COL10A1: variants seen among roughly 807,000 people sequenced by gnomAD.
COL10A1 encodes the protein collagen type X alpha 1 chain, also known as collagen alpha-1(X) chain.
In COL10A1, 10 loss-of-function variants were observed where a neutral mutation model predicts 18.2. The ratio of observed to expected loss-of-function variants is 0.55; its 90% CI spans 0.34 to 0.93. The LOEUF (loss-of-function observed/expected upper bound fraction) is 0.93, where lower values mean the gene tolerates loss of function less well. COL10A1 is among the 40% of genes least tolerant of loss of function. The pLI is 0.02. For missense variants in COL10A1, 897 were observed against 853.5 expected (o/e 1.05, Z -0.64); for synonymous variants, 330 against 316.6 (o/e 1.04, Z -0.45).
intron 1 of COL10A1, among the ~76,000 whole-genome samples, chr6:116,157,378 T>C (rs556670921): frequency 2.0e-5 from 3 of 152,314 alleles, no homozygotes; most frequent in African/African-American, 7.2e-5. Context: ...TTACAGTCTT[T>C]GGCCACTGCT....
chr6:116,131,077 C>G (rs1222436074), upstream of COL10A1, among the ~76,000 whole-genome samples: 1 of 152,038 alleles, frequency 6.6e-6, no homozygotes, highest in African/African-American at 2.4e-5. Context: ...TTTATACTTT[C>G]ATAAAGTACA....
intron 1 of COL10A1, among the ~76,000 whole-genome samples, chr6:116,141,885 AACACACACACACACACACACACACAC>A (rs3051942): frequency 7.1e-6 from 1 of 140,330 alleles, no homozygotes. Flanking sequence ...CCAAAAAGAA[AACACACACACACACACACACACACAC>A]ACACACACAC....
intron 1 of COL10A1, among the ~76,000 whole-genome samples, chr6:116,145,029 G>A (rs942529051): frequency 8.5e-5 from 13 of 152,102 alleles, no homozygotes; most frequent in African/African-American, 2.9e-4. Context: ...GATTTGATTC[G>A]TACATCAGAT....
chr6:116,188,702 TCTA>T, the COL10A1 span, among the ~76,000 whole-genome samples: 32 of 120,858 alleles, frequency 2.6e-4, no homozygotes, highest in African/African-American at 1.1e-3. Context: ...CTGGAAATTT[TCTA>T]CTTTTTTTTT....
At chr6:116,182,809 G>A in the COL10A1 span, among the ~76,000 whole-genome samples, 5 of 152,152 alleles carry the variant, frequency 3.3e-5, no homozygotes, top group African/African-American at 1.2e-4. Flanking sequence ...TGTATAGATT[G>A]TAAAGATTTT....
chr6:116,213,149 T>C, the COL10A1 span, among the ~76,000 whole-genome samples: 2 of 152,096 alleles, frequency 1.3e-5, no homozygotes, highest in East Asian at 1.9e-4. Flanking sequence ...ATGTCACTTA[T>C]GGATTCTGGG....
intron 2 of COL10A1, among the ~76,000 whole-genome samples, chr6:116,124,205 G>C (rs1260346697): frequency 6.6e-6 from 1 of 151,778 alleles, no homozygotes; most frequent in Non-Finnish European, 1.5e-5. Context: ...AAGTTTCATT[G>C]CTCAAAATGG....
the COL10A1 span, among the ~76,000 whole-genome samples, chr6:116,185,422 T>A: frequency 6.6e-6 from 1 of 152,152 alleles, no homozygotes; most frequent in East Asian, 1.9e-4. Context: ...CTTTGTTGTC[T>A]TTCTGTCTTG....
At chr6:116,143,426 A>G (rs1486035491) in intron 1 of COL10A1, among the ~76,000 whole-genome samples, 2 of 152,030 alleles carry the variant, frequency 1.3e-5, no homozygotes, top group African/African-American at 4.8e-5. Context: ...GTTGGCCAGG[A>G]TGGTCTTGAT....
the COL10A1 span, among the ~76,000 whole-genome samples, chr6:116,177,748 C>T: frequency 6.7e-6 from 1 of 149,546 alleles, no homozygotes; most frequent in Non-Finnish European, 1.5e-5. Flanking sequence ...TAATAATATT[C>T]TAAAATGTTT....
intron 1 of COL10A1, among the ~76,000 whole-genome samples, chr6:116,134,901 G>A (rs1779551899): frequency 2.0e-5 from 3 of 152,088 alleles, no homozygotes; most frequent in African/African-American, 2.4e-5. Flanking sequence ...GAGATGGAAA[G>A]AAAAAGGAGA....
chr6:116,194,721 G>A, the COL10A1 span, among the ~76,000 whole-genome samples: 10,871 of 152,028 alleles, frequency 0.072, 590 homozygotes, highest in Admixed American at 0.17. Flanking sequence ...ATTATTTAGA[G>A]TTTTGAATGT....
At chr6:116,136,069 A>G (rs961715239) in intron 1 of COL10A1, among the ~76,000 whole-genome samples, 5 of 151,930 alleles carry the variant, frequency 3.3e-5, no homozygotes, top group Non-Finnish European at 7.4e-5. Context: ...ACTTTGTGCC[A>G]CTTGAAAAAC....
chr6:116,142,466 C>G (rs968937079), intron 1 of COL10A1, among the ~76,000 whole-genome samples: 1 of 152,080 alleles, frequency 6.6e-6, no homozygotes, highest in East Asian at 1.9e-4. Flanking sequence ...TCATGTTTCA[C>G]TCCTAAAACA....
chr6:116,125,600 C>CTTTTTTAACTTTA, intron 1 of COL10A1, 93 bp from the exon 2 acceptor site: 2 of 1,151,494 alleles, frequency 1.7e-6, no homozygotes, highest in Non-Finnish European at 1.3e-6. Flanking sequence ...ATACAGTTAT[C>CTTTTTTAACTTTA]TACTTTTTTA....
intron 1 of COL10A1, among the ~76,000 whole-genome samples, chr6:116,139,649 G>A (rs1004324773): frequency 2.6e-5 from 4 of 152,002 alleles, no homozygotes; most frequent in Admixed American, 2.6e-4. Context: ...GGCACTTTAC[G>A]ATCTAGTTTT....
In COL10A1 at chr6:116,146,013, C is replaced by T. The variant is rs144118504; in HGVS notation, c.-16+12601G>A. ...CCTTACTTACTTCTGGAAAGCACCACAGAAGTAAAAGGATGTCCTCCTCGT... is the reference window on the plus strand; with the variant it reads ...CCTTACTTACTTCTGGAAAGCACCATAGAAGTAAAAGGATGTCCTCCTCGT... On this transcript the variant is annotated intron_variant, in intron 1 of 1. Transcript: ENST00000418500. 2.6e-3 allele frequency among the ~76,000 whole-genome samples: 395 copies of T among 152,336 alleles called. 10 individuals are homozygous for T. In the South Asian group the frequency reaches 0.043, roughly 17 times the overall value.
chr6:116,186,060 T>C, the COL10A1 span, among the ~76,000 whole-genome samples: 9 of 152,182 alleles, frequency 5.9e-5, no homozygotes, highest in East Asian at 1.7e-3. Flanking sequence ...GTAGTTCTCT[T>C]TTGGTAATGG....
At chr6:116,142,589 C>G (rs911635077) in intron 1 of COL10A1, among the ~76,000 whole-genome samples, 1 of 151,964 alleles carries the variant, frequency 6.6e-6, no homozygotes, top group African/African-American at 2.4e-5. Flanking sequence ...GTGGTAAAAA[C>G]TGTGTTTTTT....
Sources: allele counts gnomAD v4.1 joint callset (sites outside exome capture counted in the v4.1 genomes callset), GRCh38; gene constraint gnomAD v4.1.1; transcripts MANE v1.5; gene names NCBI Gene and HGNC (gene_info 2026-07-23, HGNC 2026-07-21).